MARCHF3: variants seen among roughly 807,000 people sequenced by gnomAD.
The protein encoded by MARCHF3 is E3 ubiquitin-protein ligase MARCHF3.
Under a neutral mutation model 24.2 loss-of-function variants are expected in MARCHF3, and 13 were observed. That is an observed-to-expected ratio of 0.54 (90% CI 0.35 to 0.85). The LOEUF is 0.85. Ranked by LOEUF, MARCHF3 falls within the 40% of genes least tolerant of loss-of-function variation. MARCHF3 has a pLI of 0.01. For synonymous variants in MARCHF3, 144 were observed against 137.3 expected, an observed-to-expected ratio of 1.05 and a Z score of -0.34; for missense variants, 276 against 325.0, an observed-to-expected ratio of 0.85 and a Z score of 1.16.
intron 1 of MARCHF3, among the ~76,000 whole-genome samples, chr5:126,957,028 G>A (rs1003507711): frequency 6.6e-6 from 1 of 152,206 alleles, no homozygotes; most frequent in Admixed American, 6.5e-5. Flanking sequence ...CTGGGACTAT[G>A]GGCACATGCC....
chr5:126,996,868 G>A lies in MARCHF3; in HGVS notation c.-57+33482C>T, dbSNP rs180979117. On this transcript the variant is annotated intron_variant, in intron 1 of 4. Transcript: ENST00000308660. ...GGATAAATTATTTAAAAATCAGAGC[G>A]CAGAAGAGTATATGTAATAGGCTCC... Among the ~76,000 whole-genome samples, 20 of 152,212 alleles carry A rather than the reference G, an allele frequency of 1.3e-4. No homozygotes were observed. The East Asian group carries it at 2.7e-3, about 21-fold the overall frequency.
chr5:126,932,567 T>C (rs1054555332), intron 1 of MARCHF3, among the ~76,000 whole-genome samples: 1 of 152,036 alleles, frequency 6.6e-6, no homozygotes, highest in Admixed American at 6.5e-5. Flanking sequence ...ATTGGAACAA[T>C]GGGGTAAGTA....
At position 126,925,048 on chromosome 5, in the gene MARCHF3, T is replaced by A. The variant is rs554151648; in HGVS notation, c.-56-6821A>T. Among the ~76,000 whole-genome samples, 26 of 152,308 alleles carry A rather than the reference T, an allele frequency of 1.7e-4. 1 individual carries two copies. The highest frequency in any genetic ancestry group is 6.3e-4 in the African/African-American group (26 of 41,580). On this transcript the variant is annotated intron_variant, in intron 1 of 4. Coordinates refer to ENST00000308660, the MANE Select transcript of MARCHF3 (RefSeq NM_178450.5). ...AAACACTGGCCAGCCCAATGAATTT[T>A]AAAAAATACTTCTCTTTTTGTTGTC...
At chr5:126,883,559 A>G (rs555958270) in intron 3 of MARCHF3, among the ~76,000 whole-genome samples, 20 of 152,352 alleles carry the variant, frequency 1.3e-4, no homozygotes, top group African/African-American at 4.8e-4. Context: ...GCAGCACTCT[A>G]CTACCTTGCC....
intron 3 of MARCHF3, among the ~76,000 whole-genome samples, chr5:126,906,274 T>C (rs1273192373): frequency 2.0e-5 from 3 of 152,016 alleles, no homozygotes; most frequent in Non-Finnish European, 4.4e-5. Flanking sequence ...GGTCTAAAAT[T>C]CTCTTTTTTG....
intron 1 of MARCHF3, among the ~76,000 whole-genome samples, chr5:126,986,274 A>C (rs972680255): frequency 1.3e-5 from 2 of 152,216 alleles, no homozygotes; most frequent in Non-Finnish European, 2.9e-5. Flanking sequence ...CCTACCTTAT[A>C]AGTAGCATCA....
Position 126,905,423 on chromosome 5 carries a change from G to A in MARCHF3, c.393+9507C>T, listed in dbSNP as rs1351107602. ...CCTTGGGCAGTATGGCCATTTTCAC[G>A]ATATTGATTCTTCCTACCCATGAGC... On this transcript the variant is annotated intron_variant, in intron 3 of 4. Transcript: ENST00000308660. 1.7e-3 allele frequency among the ~76,000 whole-genome samples: 252 copies of A among 144,796 alleles called. 3 individuals carry two copies. Among genetic ancestry groups the A allele is most frequent in the African/African-American group, 6.1e-3 (235 of 38,342 alleles). The allele number at this position is 144,796 out of a possible 152,430, so 95.0% of individuals were successfully genotyped here.
chr5:126,892,749 T>C (rs1753740175), intron 3 of MARCHF3, among the ~76,000 whole-genome samples: 1 of 149,670 alleles, frequency 6.7e-6, no homozygotes, highest in Non-Finnish European at 1.5e-5. Context: ...TCTAAAATTC[T>C]CTTTTTTTGT....
intron 4 of MARCHF3, among the ~76,000 whole-genome samples, chr5:126,873,876 T>C (rs1332076591): frequency 1.3e-5 from 2 of 152,214 alleles, no homozygotes; most frequent in African/African-American, 2.4e-5. Context: ...CAGGTTTGCA[T>C]TGCCCTGGGT....
chr5:126,948,658 G>C (rs1750110556), intron 1 of MARCHF3, among the ~76,000 whole-genome samples: 1 of 152,158 alleles, frequency 6.6e-6, no homozygotes, highest in Admixed American at 6.5e-5. Flanking sequence ...TTAAGTGCTT[G>C]GGGATTTCAT....
intron 1 of MARCHF3, among the ~76,000 whole-genome samples, chr5:126,923,217 T>C (rs889822038): frequency 6.6e-6 from 1 of 152,124 alleles, no homozygotes; most frequent in Non-Finnish European, 1.5e-5. Context: ...TGGAGATACG[T>C]GGGTCTATTT....
At chr5:126,940,152 T>C (rs1379899365) in intron 1 of MARCHF3, among the ~76,000 whole-genome samples, 1 of 152,128 alleles carries the variant, frequency 6.6e-6, no homozygotes, top group East Asian at 1.9e-4. Context: ...GCATGTAGGG[T>C]GACTCGAATT....
chr5:126,990,140 CA>C (rs2126842430), intron 1 of MARCHF3, among the ~76,000 whole-genome samples: 1 of 144,734 alleles, frequency 6.9e-6, no homozygotes, highest in Admixed American at 7.0e-5. Context: ...TACCTGACTT[CA>C]AACTATACTA....
At position 127,018,243 on chromosome 5, in the gene MARCHF3, C is replaced by T. The variant is rs532911581; in HGVS notation, c.-57+12107G>A. On this transcript the variant is annotated intron_variant, in intron 1 of 4. Coordinates refer to ENST00000308660, the MANE Select transcript of MARCHF3 (RefSeq NM_178450.5). ...AAAATTAGCCAGGTATGGTGGTGGG[C>T]GCCTGTAATCCTAGCTGCTAGAGAG... Among the ~76,000 whole-genome samples the T allele has an allele frequency of 1.0e-3, 159 of 152,044 alleles. 2 individuals are homozygous for T. Among genetic ancestry groups the T allele is most frequent in the South Asian group, 8.3e-3 (40 of 4,802 alleles).
At chr5:126,940,895 T>A (rs1388692575) in intron 1 of MARCHF3, among the ~76,000 whole-genome samples, 3 of 152,224 alleles carry the variant, frequency 2.0e-5, no homozygotes, top group African/African-American at 7.2e-5. Context: ...AACCACATCA[T>A]GGACAATGGG....
intron 1 of MARCHF3, among the ~76,000 whole-genome samples, chr5:127,010,784 C>G (rs1316208035): frequency 1.3e-5 from 2 of 152,134 alleles, no homozygotes; most frequent in Admixed American, 1.3e-4. Context: ...ACCTTCAGGA[C>G]ATTATACCAA....
intron 1 of MARCHF3, among the ~76,000 whole-genome samples, chr5:126,933,445 CTTTT>C (rs1452737485): frequency 2.2e-5 from 3 of 137,922 alleles, no homozygotes; most frequent in African/African-American, 2.7e-5. Context: ...TTTGGTATCT[CTTTT>C]TTTTTTTTTT....
chr5:126,896,113 A>T (rs1244185201), intron 3 of MARCHF3, among the ~76,000 whole-genome samples: 16 of 152,130 alleles, frequency 1.1e-4, no homozygotes, highest in Admixed American at 1.0e-3. Context: ...TCAGAAAGGG[A>T]ACTCCCTGAC....
At chr5:126,920,454 T>TAA (rs1749070461) in intron 1 of MARCHF3, among the ~76,000 whole-genome samples, 1 of 152,198 alleles carries the variant, frequency 6.6e-6, no homozygotes, top group South Asian at 2.1e-4. Context: ...AGCCATAGAT[T>TAA]AAGAGCCAGG....
Sources: gnomAD v4.1 joint callset for allele counts (sites outside exome capture counted in the v4.1 genomes callset) on GRCh38, gnomAD v4.1.1 for gene constraint, MANE v1.5 for transcripts, NCBI Gene and HGNC (gene_info 2026-07-23, HGNC 2026-07-21) for gene names.